AAK1: variants seen among roughly 807,000 people sequenced by gnomAD.
The protein encoded by AAK1 is AP2-associated protein kinase 1.
AAK1 carries 37 observed loss-of-function variants against 116.0 expected under a neutral mutation model. The observed-to-expected ratio is 0.32, with a 90% CI of 0.25 to 0.42. AAK1 has a LOEUF of 0.42. AAK1 is among the 10% of genes least tolerant of loss of function. The probability of loss-of-function intolerance (pLI) is 1.00; values close to 1 mark genes in which losing one functional copy is unlikely to be tolerated. For missense variants in AAK1, 919 were observed against 1,170.6 expected (o/e 0.79, Z 3.14); for synonymous variants, 458 against 439.9 (o/e 1.04, Z -0.51).
At chr2:69,619,441 A>G (rs1010765440) in intron 2 of AAK1, among the ~76,000 whole-genome samples, 2 of 152,152 alleles carry the variant, frequency 1.3e-5, no homozygotes, top group African/African-American at 2.4e-5. Flanking sequence ...CCCAAGGTTC[A>G]GCCTTGATCT....
chr2:69,577,100 G>A (rs564466978), intron 2 of AAK1, among the ~76,000 whole-genome samples: 25 of 152,298 alleles, frequency 1.6e-4, no homozygotes, highest in South Asian at 8.3e-4. Flanking sequence ...CCTGTGAGGC[G>A]AGTACTATTA....
intron 11 of AAK1, 113 bp from the exon 12 acceptor site, chr2:69,519,353 A>G: frequency 7.3e-7 from 1 of 1,364,904 alleles, no homozygotes; most frequent in Non-Finnish European, 9.7e-7. Flanking sequence ...GTATCTCAAG[A>G]TTCGTGTCCT....
intron 17 of AAK1, among the ~76,000 whole-genome samples, chr2:69,495,632 C>T (rs976954249): frequency 1.3e-5 from 2 of 152,180 alleles, no homozygotes; most frequent in Non-Finnish European, 2.9e-5. Flanking sequence ...ATCACTTTAT[C>T]ATGTGCTTAC....
intron 20 of AAK1, chr2:69,478,655 T>C (rs1226308829): frequency 3.4e-6 from 1 of 293,130 alleles, no homozygotes; most frequent in East Asian, 1.1e-4. Flanking sequence ...AGACTCCGTA[T>C]GTTGTCCAGG....
rs1169171972 is a variant in AAK1, at chr2:69,467,129, G to A, written c.*8740C>T. The A allele has an allele frequency of 3.5e-5, 34 of 985,264 alleles. 1 individual carries two copies. The highest frequency in any genetic ancestry group is 1.7e-5 in the African/African-American group (1 of 57,220). The allele number at this position is 985,264 out of a possible 1,614,324, so 61.0% of individuals were successfully genotyped here. ...AGTGCCCAAAATATAAATACTGAAG[G>A]TACCTTCTGAGGGGAGCATACAGCA... On this transcript the variant is annotated 3_prime_UTR_variant, in exon 22 of 22. Coordinates refer to ENST00000409085, the MANE Select transcript of AAK1 (RefSeq NM_014911.5).
At chr2:69,609,807 T>C (rs770695901) in intron 2 of AAK1, among the ~76,000 whole-genome samples, 2 of 152,030 alleles carry the variant, frequency 1.3e-5, no homozygotes, top group African/African-American at 2.4e-5. Context: ...CCCAGCACTT[T>C]AGGAGGCCGA....
chr2:69,518,566 G>C (rs1049357144), intron 12 of AAK1, among the ~76,000 whole-genome samples: 1 of 151,976 alleles, frequency 6.6e-6, no homozygotes, highest in Non-Finnish European at 1.5e-5. Flanking sequence ...CGACAGGCTT[G>C]CGCCACCATG....
At position 69,474,934 on chromosome 2, in the gene AAK1, A is replaced by T; in HGVS notation, c.*935T>A. On this transcript the variant is annotated 3_prime_UTR_variant, in exon 22 of 22. Transcript: ENST00000409085. ...AAAATAAAAATCACAAGAAAAATAC[A>T]TCTGTTTCTGCTACAATTCCTTCCC... 1.0e-6 allele frequency: 1 copy of T among 985,330 alleles called. No individual in the cohort carries two copies. The highest frequency in any genetic ancestry group is 1.2e-6 in the Non-Finnish European group (1 of 829,846). 61.0% of individuals were successfully genotyped at this position (985,330 alleles called of 1,614,324 possible).
chr2:69,548,773 T>C (rs1487687554), intron 3 of AAK1, among the ~76,000 whole-genome samples: 1 of 151,894 alleles, frequency 6.6e-6, no homozygotes, highest in African/African-American at 2.4e-5. Context: ...CCCAGCTAAT[T>C]TTTGTATTTT....
intron 2 of AAK1, among the ~76,000 whole-genome samples, chr2:69,599,902 T>C (rs1398367211): frequency 6.6e-6 from 1 of 151,900 alleles, no homozygotes; most frequent in Non-Finnish European, 1.5e-5. Flanking sequence ...CTCAGCCTCC[T>C]GAATAGTTGG....
intron 2 of AAK1, among the ~76,000 whole-genome samples, chr2:69,632,291 C>A (rs930780268): frequency 1.9e-4 from 29 of 152,320 alleles, no homozygotes; most frequent in African/African-American, 6.3e-4. Flanking sequence ...TTCTCTAAAA[C>A]AGGCAATTTT....
At chr2:69,480,582 C>T (rs1675048050) in intron 19 of AAK1, among the ~76,000 whole-genome samples, 1 of 152,028 alleles carries the variant, frequency 6.6e-6, no homozygotes, top group Admixed American at 6.5e-5. Context: ...GATCCCACCA[C>T]CAGTGAAAAG....
intron 2 of AAK1, among the ~76,000 whole-genome samples, chr2:69,570,902 C>G (rs1320999644): frequency 2.6e-5 from 4 of 152,120 alleles, no homozygotes; most frequent in Non-Finnish European, 5.9e-5. Context: ...TGTATGTACC[C>G]TGTACTGGAA....
chr2:69,491,714 G>C (rs921871790), intron 17 of AAK1, among the ~76,000 whole-genome samples: 4 of 152,136 alleles, frequency 2.6e-5, no homozygotes, highest in African/African-American at 7.2e-5. Context: ...CATCTTTATA[G>C]TAATTTAAAA....
chr2:69,612,048 C>T (rs1046776406), intron 2 of AAK1, among the ~76,000 whole-genome samples: 1 of 151,936 alleles, frequency 6.6e-6, no homozygotes, highest in Non-Finnish European at 1.5e-5. Flanking sequence ...TCAGTTGGGA[C>T]GATGAAAAAG....
In AAK1 at chr2:69,462,733, G is replaced by C. The variant is rs1674373157; in HGVS notation, c.*13136C>G. 6.6e-6 allele frequency: 1 copy of C among 152,002 alleles called. No individual in the cohort carries two copies. The allele number at this position is 152,002 out of a possible 1,614,324, so 9.4% of individuals were successfully genotyped here. ...GAGAAATCTCCCTGAGTATTTCTAGGCTCTTCGCTCATGTTTTTGAGGGCT... is the reference window on the plus strand; with the variant it reads ...GAGAAATCTCCCTGAGTATTTCTAGCCTCTTCGCTCATGTTTTTGAGGGCT... On this transcript the variant is annotated 3_prime_UTR_variant, in exon 22 of 22. Coordinates refer to ENST00000409085, the MANE Select transcript of AAK1 (RefSeq NM_014911.5).
rs568015220 is a variant in AAK1 at position 69,553,034 on chromosome 2, A to G, written c.282+3826T>C. On this transcript the variant is annotated intron_variant, in intron 3 of 21. Coordinates refer to ENST00000409085, the MANE Select transcript of AAK1 (RefSeq NM_014911.5). ...AAGGGAGAAAACAAGAAAATTAGAA[A>G]ATCAATTCAGGAGAACCAATATCCA... 1.2e-3 allele frequency among the ~76,000 whole-genome samples: 179 copies of G among 152,266 alleles called. 1 individual carries two copies. Among genetic ancestry groups the G allele is most frequent in the African/African-American group, 4.2e-3 (173 of 41,570 alleles).
chr2:69,528,176 T>C (rs939026780), intron 8 of AAK1, among the ~76,000 whole-genome samples: 4 of 152,194 alleles, frequency 2.6e-5, no homozygotes, highest in African/African-American at 9.7e-5. Context: ...AGAGAATGCC[T>C]GCTGCAAGTA....
chr2:69,592,754 T>C (rs1442605841), intron 2 of AAK1, among the ~76,000 whole-genome samples: 1 of 152,224 alleles, frequency 6.6e-6, no homozygotes, highest in Non-Finnish European at 1.5e-5. Context: ...ATTCACAGAT[T>C]TGGCTTATGA....
Sources: allele counts gnomAD v4.1 joint callset (sites outside exome capture counted in the v4.1 genomes callset), GRCh38; gene constraint gnomAD v4.1.1; transcripts MANE v1.5; gene names NCBI Gene and HGNC (gene_info 2026-07-23, HGNC 2026-07-21).